NRXN3: variants seen among roughly 807,000 people sequenced by gnomAD.
The protein encoded by NRXN3 is neurexin 3, also known as neurexin III.
NRXN3 carries 32 observed loss-of-function variants against 137.6 expected under a neutral mutation model. The ratio of observed to expected loss-of-function variants is 0.23; its 90% CI spans 0.18 to 0.31. The LOEUF (loss-of-function observed/expected upper bound fraction) is 0.31, where lower values mean the gene tolerates loss of function less well. NRXN3 is among the 10% of genes least tolerant of loss of function. The pLI is 1.00. For synonymous variants in NRXN3, 798 were observed against 784.5 expected, an observed-to-expected ratio of 1.02 and a Z score of -0.29; for missense variants, 1,574 against 2,062.5, an observed-to-expected ratio of 0.76 and a Z score of 4.59.
intron 15 of NRXN3, among the ~76,000 whole-genome samples, chr14:79,171,375 C>A (rs1459153786): frequency 6.6e-6 from 1 of 152,080 alleles, no homozygotes; most frequent in East Asian, 1.9e-4. Flanking sequence ...TATAAGAGTA[C>A]GTGTATACAG....
At chr14:78,781,964 T>G (rs2153030985) in intron 8 of NRXN3, among the ~76,000 whole-genome samples, 1 of 152,278 alleles carries the variant, frequency 6.6e-6, no homozygotes, top group South Asian at 2.1e-4. Flanking sequence ...CCCAAACAGA[T>G]TTTCCATCCT....
chr14:79,420,708 T>C (rs1301504815), intron 15 of NRXN3, among the ~76,000 whole-genome samples: 1 of 152,174 alleles, frequency 6.6e-6, no homozygotes, highest in African/African-American at 2.4e-5. Context: ...CAAACATTCA[T>C]GAGGTTTTCT....
chr14:79,133,247 G>A (rs2047776), intron 15 of NRXN3, among the ~76,000 whole-genome samples: 147,967 of 152,356 alleles, frequency 0.97, 71,899 homozygotes, highest in Middle Eastern at 1. Flanking sequence ...AGCTAAGTCT[G>A]TCCTCTTAGG....
At chr14:78,533,227 G>A (rs2096493371) in intron 4 of NRXN3, among the ~76,000 whole-genome samples, 1 of 151,412 alleles carries the variant, frequency 6.6e-6, no homozygotes, top group South Asian at 2.1e-4. Flanking sequence ...CAAGTAGCTG[G>A]GACTACAGCC....
chr14:78,614,130 A>G (rs2097325781), intron 4 of NRXN3, among the ~76,000 whole-genome samples: 1 of 152,192 alleles, frequency 6.6e-6, no homozygotes, highest in South Asian at 2.1e-4. Context: ...ACTGAGAGTA[A>G]GCATTTAAGC....
At chr14:78,733,936 G>T (rs2098528828) in intron 8 of NRXN3, among the ~76,000 whole-genome samples, 1 of 152,156 alleles carries the variant, frequency 6.6e-6, no homozygotes, top group Admixed American at 6.6e-5. Flanking sequence ...GATTGAACAT[G>T]AAGTCTATTG....
intron 1 of NRXN3, among the ~76,000 whole-genome samples, chr14:78,236,156 C>T (rs550631610): frequency 2.2e-4 from 33 of 152,282 alleles, no homozygotes; most frequent in African/African-American, 7.7e-4. Flanking sequence ...AAAGCACATA[C>T]ATTGTAAGTA....
chr14:78,647,793 T>C (rs1005136700), intron 5 of NRXN3, among the ~76,000 whole-genome samples: 8 of 152,242 alleles, frequency 5.3e-5, no homozygotes, highest in Non-Finnish European at 1.2e-4. Context: ...ATAAGATTAT[T>C]ATTTTGTCCA....
Position 78,968,320 on chromosome 14 carries a change from G to A in NRXN3, c.3116G>A (p.Ser1039Asn). Residue 1039 changes from serine to asparagine, a missense_variant, in exon 14 of 21, where the codon AGC (serine) becomes AAC (asparagine). Ser to Asn is a conservative substitution (Grantham distance 46, BLOSUM62 1). Transcript: ENST00000335750. Reference protein sequence around the residue: ...PDLINDALHRSGQIERGCEGP... With the variant: ...PDLINDALHRNGQIERGCEGP... The stretch of plus-strand genomic sequence containing the variant: ...CTCATCAATGATGCTCTTCATCGGA[G>A]CGGACAGATCGAGCGTGGCTGTGAA... The A allele has an allele frequency of 6.2e-7, 1 of 1,613,978 alleles. No homozygotes were observed. Among genetic ancestry groups the A allele is most frequent in the Non-Finnish European group, 8.5e-7 (1 of 1,179,936 alleles).
intron 16 of NRXN3, among the ~76,000 whole-genome samples, chr14:79,550,550 T>C (rs143211740): frequency 1.5e-3 from 225 of 152,268 alleles, no homozygotes; most frequent in Middle Eastern, 3.4e-3. Context: ...ACTTGACAAA[T>C]ATTTTTCAAA....
intron 16 of NRXN3, among the ~76,000 whole-genome samples, chr14:79,525,094 A>G (rs2153708593): frequency 6.6e-6 from 1 of 152,262 alleles, no homozygotes; most frequent in African/African-American, 2.4e-5. Context: ...TAATATTTTT[A>G]GGTCTTATGA....
At chr14:79,778,210 T>C (rs1470008955) in intron 19 of NRXN3, among the ~76,000 whole-genome samples, 1 of 151,268 alleles carries the variant, frequency 6.6e-6, no homozygotes, top group Non-Finnish European at 1.5e-5. Flanking sequence ...AGGTCAGGAG[T>C]TTGAGACCAG....
At chr14:79,518,262 A>G (rs2097018302) in intron 16 of NRXN3, among the ~76,000 whole-genome samples, 1 of 152,008 alleles carries the variant, frequency 6.6e-6, no homozygotes, top group South Asian at 2.1e-4. Context: ...GTTTCTTTTA[A>G]TAATTTGTAT....
At chr14:79,793,063 A>G (rs2140326660) in intron 19 of NRXN3, among the ~76,000 whole-genome samples, 1 of 152,270 alleles carries the variant, frequency 6.6e-6, no homozygotes, top group African/African-American at 2.4e-5. Context: ...GAGCATGTGC[A>G]TTAAAAGAGC....
chr14:79,637,010 T>C (rs1024740954), intron 16 of NRXN3, among the ~76,000 whole-genome samples: 1 of 152,208 alleles, frequency 6.6e-6, no homozygotes, highest in Non-Finnish European at 1.5e-5. Context: ...CTTTAAATGA[T>C]AAAGCATTGA....
At chr14:79,260,468 G>A (rs2077426396) in intron 15 of NRXN3, among the ~76,000 whole-genome samples, 1 of 152,128 alleles carries the variant, frequency 6.6e-6, no homozygotes, top group African/African-American at 2.4e-5. Flanking sequence ...GGCTTGTGTT[G>A]GGGAGTACTT....
chr14:78,609,461 T>G (rs1381923422), intron 4 of NRXN3, among the ~76,000 whole-genome samples: 2 of 152,114 alleles, frequency 1.3e-5, no homozygotes, highest in African/African-American at 4.8e-5. Context: ...AAGAAGGAAA[T>G]GAATAGGATA....
At chr14:79,277,413 AG>A (rs1411920584) in intron 15 of NRXN3, among the ~76,000 whole-genome samples, 1 of 152,196 alleles carries the variant, frequency 6.6e-6, no homozygotes, top group Admixed American at 6.5e-5. Context: ...GGTTGAATTG[AG>A]TGGAAATTAT....
chr14:79,075,598 C>CAG (rs1284604319), intron 15 of NRXN3, among the ~76,000 whole-genome samples: 1 of 152,058 alleles, frequency 6.6e-6, no homozygotes, highest in Non-Finnish European at 1.5e-5. Context: ...GTGTATATTT[C>CAG]AGATATTTAA....
Sources: allele counts gnomAD v4.1 joint callset (sites outside exome capture counted in the v4.1 genomes callset), GRCh38; gene constraint gnomAD v4.1.1; transcripts MANE v1.5; gene names NCBI Gene and HGNC (gene_info 2026-07-23, HGNC 2026-07-21).